Variants in COL25A1 observed in about 807,000 individuals in gnomAD.
COL25A1 encodes the protein collagen alpha-1(XXV) chain.
Under a neutral mutation model 128.4 loss-of-function variants are expected in COL25A1, and 103 were observed. The ratio of observed to expected loss-of-function variants is 0.80; its 90% confidence interval spans 0.68 to 0.94. The LOEUF is 0.94. Among genes scored for constraint, COL25A1 ranks in the 40% least tolerant of loss-of-function variants. COL25A1 has a pLI of 0.00. For synonymous variants in COL25A1, 279 were observed against 277.2 expected, an observed-to-expected ratio of 1.01 and a Z score of -0.06; for missense variants, 745 against 840.0, an observed-to-expected ratio of 0.89 and a Z score of 1.40.
intron 3 of COL25A1, among the ~76,000 whole-genome samples, chr4:109,063,436 G>T (rs1426582367): frequency 6.6e-6 from 1 of 150,460 alleles, no homozygotes; most frequent in African/African-American, 2.5e-5. Context: ...CCGGAAGGCA[G>T]AAGTTGCAGT....
chr4:108,823,852 A>G (rs1040534851), intron 35 of COL25A1: 1 of 1,281,762 alleles, frequency 7.8e-7, no homozygotes, highest in Non-Finnish European at 1.0e-6. Flanking sequence ...GATTTGTGTC[A>G]TTTAATTTTA....
intron 14 of COL25A1, 56 bp downstream of exon 14, chr4:108,901,063 C>A: frequency 7.4e-7 from 1 of 1,356,982 alleles, no homozygotes. Flanking sequence ...TAATAGCTTA[C>A]AATTTCCTGA....
chr4:109,088,473 A>C (rs1764604876), intron 3 of COL25A1, among the ~76,000 whole-genome samples: 1 of 152,216 alleles, frequency 6.6e-6, no homozygotes, highest in African/African-American at 2.4e-5. Context: ...ATAATTTATG[A>C]GTAATACTGT....
chr4:109,057,140 G>A (rs933339322), intron 3 of COL25A1, among the ~76,000 whole-genome samples: 1 of 152,094 alleles, frequency 6.6e-6, no homozygotes, highest in African/African-American at 2.4e-5. Flanking sequence ...AATTAAAGGT[G>A]TGAGCCATCG....
At position 108,847,186 on chromosome 4, in the gene COL25A1, G is replaced by A. The variant is rs564431227; in HGVS notation, c.1435-967C>T. On this transcript the variant is annotated intron_variant, in intron 27 of 37. Coordinates refer to ENST00000399132, the MANE Select transcript of COL25A1 (RefSeq NM_198721.4). ...CTCCCAAAGTGCTGGGATTACAGGC[G>A]TGAGCCACCATGCCTGGCCTGAATT... Among the ~76,000 whole-genome samples, 141 of 152,162 alleles carry A rather than the reference G, an allele frequency of 9.3e-4. 1 individual carries two copies. In the Middle Eastern group the frequency reaches 0.014, roughly 15 times the overall value.
intron 31 of COL25A1, among the ~76,000 whole-genome samples, chr4:108,840,852 G>A (rs1734360699): frequency 1.3e-5 from 2 of 152,312 alleles, no homozygotes; most frequent in South Asian, 4.1e-4. Context: ...TTTGCTAAGT[G>A]TTTTATAAGC....
chr4:109,066,646 T>C (rs758042869), intron 3 of COL25A1, among the ~76,000 whole-genome samples: 1 of 152,158 alleles, frequency 6.6e-6, no homozygotes, highest in Non-Finnish European at 1.5e-5. Flanking sequence ...AACTCCAAAA[T>C]AATCAAATTC....
At chr4:108,876,923 G>A (rs1348007682) in intron 19 of COL25A1, among the ~76,000 whole-genome samples, 5 of 152,148 alleles carry the variant, frequency 3.3e-5, no homozygotes, top group African/African-American at 1.2e-4. Context: ...AAAAAACCAG[G>A]TCTCAAAACT....
chr4:109,082,880 A>G (rs1404147078), intron 3 of COL25A1, among the ~76,000 whole-genome samples: 2 of 152,154 alleles, frequency 1.3e-5, no homozygotes, highest in Non-Finnish European at 2.9e-5. Flanking sequence ...ACTAAGCCTA[A>G]TACCCAATAG....
At chr4:109,084,620 A>G (rs1245090974) in intron 3 of COL25A1, among the ~76,000 whole-genome samples, 1 of 152,192 alleles carries the variant, frequency 6.6e-6, no homozygotes, top group Non-Finnish European at 1.5e-5. Flanking sequence ...TTATTCTTGT[A>G]TGTTATTATA....
At chr4:109,244,171 C>G (rs1456520583) in intron 3 of COL25A1, among the ~76,000 whole-genome samples, 1 of 148,992 alleles carries the variant, frequency 6.7e-6, no homozygotes, top group African/African-American at 2.5e-5. Flanking sequence ...TTTTTTTCAT[C>G]ATGAAAAACA....
chr4:108,871,638 T>G (rs13144630), intron 19 of COL25A1, among the ~76,000 whole-genome samples: 82,929 of 152,070 alleles, frequency 0.55, 23,892 homozygotes, highest in East Asian at 1. Context: ...TTTAAAGGCT[T>G]TGAGCATGAT....
intron 8 of COL25A1, among the ~76,000 whole-genome samples, chr4:108,960,040 C>G (rs1750505039): frequency 6.6e-6 from 1 of 152,036 alleles, no homozygotes; most frequent in African/African-American, 2.4e-5. Flanking sequence ...TTTAAAAAGG[C>G]AGCAAAAATA....
rs573278053 is a variant in COL25A1 at position 108,824,547 on chromosome 4, C to T, written c.1792-320G>A. On this transcript the variant is annotated intron_variant, in intron 34 of 37. Coordinates refer to ENST00000399132, the MANE Select transcript of COL25A1 (RefSeq NM_198721.4). ...TCACTTACCTCTCTGCACTTTAGTC[C>T]GTTGACTGTAAAATGGGGTTAATGA... 1.7e-4 allele frequency among the ~76,000 whole-genome samples: 26 copies of T among 152,222 alleles called. 1 individual carries two copies. The highest frequency in any genetic ancestry group is 6.8e-3 in the Middle Eastern group (2 of 294).
At chr4:108,920,712 T>C in intron 11 of COL25A1, 108 bp from the exon 12 acceptor site, 2 of 672,056 alleles carry the variant, frequency 3.0e-6, no homozygotes, top group Non-Finnish European at 4.6e-6. Context: ...TACTGAAATA[T>C]GTTGACATTT....
rs1444794304 is a variant in COL25A1, at chr4:109,254,493, ATATATATATATATGTATG to A, written c.367+46072_367+46089del. ...TTTATATATATATATATATATATAT[ATATATATATATATGTATG>A]TGTGTATATACATATACATATATAT... On this transcript the variant is annotated intron_variant, in intron 3 of 37. Transcript: ENST00000399132. Among the ~76,000 whole-genome samples, 145 of 109,760 alleles carry A rather than the reference ATATATATATATATGTATG, an allele frequency of 1.3e-3. 2 individuals carry two copies. Among genetic ancestry groups the A allele is most frequent in the African/African-American group, 6.7e-3 (141 of 20,962 alleles). 72.0% of individuals were successfully genotyped at this position (109,760 alleles called of 152,430 possible).
chr4:108,984,616 C>G (rs563038267), intron 6 of COL25A1, among the ~76,000 whole-genome samples: 2 of 152,342 alleles, frequency 1.3e-5, no homozygotes, highest in South Asian at 4.1e-4. Flanking sequence ...TCACTGCCCG[C>G]GGCAGGTGGG....
At chr4:109,137,461 C>T (rs1166504269) in intron 3 of COL25A1, among the ~76,000 whole-genome samples, 2 of 152,142 alleles carry the variant, frequency 1.3e-5, no homozygotes, top group African/African-American at 4.8e-5. Flanking sequence ...GCTCCCCTCT[C>T]CACTTGAGAT....
chr4:109,012,487 C>T (rs901062006), intron 5 of COL25A1, among the ~76,000 whole-genome samples: 1 of 152,166 alleles, frequency 6.6e-6, no homozygotes, highest in African/African-American at 2.4e-5. Flanking sequence ...GAGGCGCGGG[C>T]AGGAACTTGG....
Sources: gnomAD v4.1 joint callset for allele counts (sites outside exome capture counted in the v4.1 genomes callset) on GRCh38, gnomAD v4.1.1 for gene constraint, MANE v1.5 for transcripts, NCBI Gene and HGNC (gene_info 2026-07-23, HGNC 2026-07-21) for gene names.